Variants in KRCC1 observed in about 807,000 individuals in gnomAD.
KRCC1 encodes the protein lysine-rich coiled-coil protein 1.
KRCC1 carries 3 observed loss-of-function variants against 7.4 expected under a neutral mutation model. The observed-to-expected ratio is 0.40, with a 90% CI of 0.18 to 1.04. The LOEUF is 1.04. Among genes scored for constraint, KRCC1 ranks in the 50% least tolerant of loss-of-function variants. The probability of loss-of-function intolerance (pLI) is 0.33; values close to 1 mark genes in which losing one functional copy is unlikely to be tolerated. For missense variants in KRCC1, 277 were observed against 300.9 expected, an observed-to-expected ratio of 0.92 and a Z score of 0.59; for synonymous variants, 102 against 101.6, an observed-to-expected ratio of 1.00 and a Z score of -0.02.
intron 1 of KRCC1, among the ~76,000 whole-genome samples, chr2:88,042,658 C>A (rs990107506): frequency 6.6e-6 from 1 of 152,136 alleles, no homozygotes; most frequent in Non-Finnish European, 1.5e-5. Flanking sequence ...TGGCCTCAAG[C>A]GATCCTCCTC....
At chr2:88,053,357 T>C (rs1474609040) in intron 1 of KRCC1, among the ~76,000 whole-genome samples, 1 of 151,834 alleles carries the variant, frequency 6.6e-6, no homozygotes, top group Non-Finnish European at 1.5e-5. Flanking sequence ...TTAAAGTCTT[T>C]TGCACATATT....
At chr2:88,034,863 T>G (rs1673062403) in intron 2 of KRCC1, among the ~76,000 whole-genome samples, 1 of 152,148 alleles carries the variant, frequency 6.6e-6, no homozygotes, top group Non-Finnish European at 1.5e-5. Flanking sequence ...TCTACTTCCT[T>G]AAGTTTTTAG....
In KRCC1 at chr2:88,028,354, G is replaced by C. The variant is rs139094728; in HGVS notation, c.210C>G (p.Thr70=). The change falls in exon 4 of 4, where the codon ACC becomes ACG. Residue 70 remains threonine (T), a synonymous_variant. Transcript: ENST00000347055. ...GTGGAATATTGCATGATCTTGGGTAGGTCTGGATGGTTTCAGATGGGAGTC... is the reference window on the plus strand; with the variant it reads ...GTGGAATATTGCATGATCTTGGGTACGTCTGGATGGTTTCAGATGGGAGTC... ...DQRLPSETIQ[T]YPRSCNIPQT... is the part of the protein sequence containing the mutation. 27 of 1,614,122 alleles carry C rather than the reference G, an allele frequency of 1.7e-5. No individual in the cohort carries two copies. In the African/African-American group the frequency reaches 2.8e-4, roughly 17 times the overall value.
chr2:88,028,632 A>ATCTTTTTTTTTT, intron 3 of KRCC1, 47 bp from the exon 4 acceptor site: 1 of 861,106 alleles, frequency 1.2e-6, no homozygotes. Context: ...TGTCCTGAGC[A>ATCTTTTTTTTTT]TTTCCTTTGC....
chr2:88,052,948 A>G (rs1189450638), intron 1 of KRCC1, among the ~76,000 whole-genome samples: 2 of 152,172 alleles, frequency 1.3e-5, no homozygotes, highest in Non-Finnish European at 2.9e-5. Flanking sequence ...ATTATTTTCA[A>G]CATTTTAGTC....
rs1672899742 is a variant in KRCC1, at chr2:88,027,706, G to A, written c.*78C>T. 3 of 1,264,214 alleles carry A rather than the reference G, an allele frequency of 2.4e-6. No individual in the cohort carries two copies. The highest frequency in any genetic ancestry group is 1.1e-6 in the Non-Finnish European group (1 of 912,968). 78.3% of individuals were successfully genotyped at this position (1,264,214 alleles called of 1,614,324 possible). A position where few individuals can be genotyped will look rare whatever the true frequency, so the allele number is the denominator to read the frequency against. ...AGAACCTATTCACATAAGAAAAGTG[G>A]TATGAACACGGATATCATAAAACCA... On this transcript the variant is annotated 3_prime_UTR_variant, in exon 4 of 4. Transcript: ENST00000347055.
intron 1 of KRCC1, among the ~76,000 whole-genome samples, chr2:88,048,636 A>C (rs1673398796): frequency 6.6e-6 from 1 of 152,174 alleles, no homozygotes; most frequent in African/African-American, 2.4e-5. Context: ...TCTGCAAATA[A>C]AGACAGTATT....
At chr2:88,054,940 G>A (rs1573090664) in intron 1 of KRCC1, among the ~76,000 whole-genome samples, 3 of 152,286 alleles carry the variant, frequency 2.0e-5, no homozygotes, top group East Asian at 1.9e-4. Context: ...CTGCACTCCA[G>A]CCTGGGCACA....
rs764294013 is a variant in KRCC1 at position 88,027,941 on chromosome 2, T to C, written c.623A>G (p.His208Arg). Residue 208 changes from histidine to arginine, a missense_variant, in exon 4 of 4, where the codon CAT (histidine) becomes CGT (arginine). Transcript: ENST00000347055. The part of the protein sequence containing the change: ...KKTEVEIETV[H>R]VSTEKLKNRK... ...ATTCTTAAGCTTTTCTGTACTGACA[T>C]GTACGGTTTCTATTTCCACCTCTGT... 3.1e-6 allele frequency: 5 copies of C among 1,613,898 alleles called. No individual in the cohort carries two copies. Among genetic ancestry groups the C allele is most frequent in the East Asian group, 4.5e-5 (2 of 44,896 alleles).
intron 1 of KRCC1, among the ~76,000 whole-genome samples, chr2:88,048,456 A>G (rs570274247): frequency 9.2e-5 from 14 of 152,282 alleles, no homozygotes; most frequent in African/African-American, 2.6e-4. Context: ...GTTTTTTGAT[A>G]TAACAGTAAA....
rs549940494 is a variant in KRCC1, at chr2:88,055,323, GCTCCGGGTCTAGATTTC to G, written c.-291+286_-291+302del. On this transcript the variant is annotated intron_variant, in intron 1 of 3. Transcript: ENST00000347055. ...CTCACCCCACTTCCCTTTCCCTGACGCTCCGGGTCTAGATTTCCTCCGGGTCTAGATTTCCTCTTGGT... is the reference window on the plus strand; with the variant it reads ...CTCACCCCACTTCCCTTTCCCTGACGCTCCGGGTCTAGATTTCCTCTTGGT... 7.3e-4 allele frequency among the ~76,000 whole-genome samples: 111 copies of G among 151,904 alleles called. 1 individual carries two copies. The East Asian group carries it at 9.3e-3, about 13-fold the overall frequency.
intron 1 of KRCC1, among the ~76,000 whole-genome samples, chr2:88,045,807 C>T (rs1673317781): frequency 6.6e-6 from 1 of 151,910 alleles, no homozygotes; most frequent in African/African-American, 2.4e-5. Flanking sequence ...TCTAAGCCTC[C>T]CGAGTAGCTG....
chr2:88,046,894 G>C (rs892437567), intron 1 of KRCC1, among the ~76,000 whole-genome samples: 1 of 151,864 alleles, frequency 6.6e-6, no homozygotes, highest in African/African-American at 2.4e-5. Flanking sequence ...GGTTGGTCTC[G>C]AACCTCTGGG....
At chr2:88,039,723 T>C (rs1050994081) in intron 1 of KRCC1, among the ~76,000 whole-genome samples, 9 of 151,854 alleles carry the variant, frequency 5.9e-5, no homozygotes, top group Admixed American at 4.6e-4. Flanking sequence ...ATCTCAATTA[T>C]TTTTTAGTTG....
Position 88,028,642 on chromosome 2 carries a change from C to CTTT in KRCC1, c.-22-58_-22-57insAAA, listed in dbSNP as rs1419047999. On this transcript the variant is annotated intron_variant, in intron 3 of 3. Transcript: ENST00000347055. ...CATCTTGTCCTGAGCATTTCCTTTG[C>CTTT]TCTTTTTTTTTTTTTTTTTTTTCTT... is the stretch of plus-strand genomic sequence containing the variant. The CTTT allele has an allele frequency of 1.1e-4, 78 of 681,834 alleles. No homozygotes were observed. In the East Asian group the frequency reaches 1.5e-3, roughly 14 times the overall value. The allele number at this position is 681,834 out of a possible 1,614,324, so 42.2% of individuals were successfully genotyped here.
chr2:88,028,843 G>T (rs1672938010), intron 3 of KRCC1, among the ~76,000 whole-genome samples: 1 of 151,786 alleles, frequency 6.6e-6, no homozygotes, highest in Non-Finnish European at 1.5e-5. Context: ...TAGAGATGGG[G>T]TATCACCATG....
Position 88,039,174 on chromosome 2 carries a change from C to T in KRCC1, c.-290-2123G>A, listed in dbSNP as rs1431803288. On this transcript the variant is annotated intron_variant, in intron 1 of 3. Transcript: ENST00000347055. ...AAAATGAGTAGGGTCAAACATTTAA[C>T]ATATTGCTCTTTGTACATCTCTGTA... is the stretch of plus-strand genomic sequence containing the variant. 2.6e-5 allele frequency among the ~76,000 whole-genome samples: 4 copies of T among 152,168 alleles called. No individual in the cohort carries two copies. The East Asian group carries it at 5.8e-4, about 22-fold the overall frequency.
intron 1 of KRCC1, among the ~76,000 whole-genome samples, chr2:88,042,364 C>A (rs374543176): frequency 6.6e-6 from 1 of 152,004 alleles, no homozygotes; most frequent in African/African-American, 2.4e-5. Context: ...CCGGCCTAGA[C>A]CACTATTCCT....
chr2:88,041,932 T>A (rs922050584), intron 1 of KRCC1, among the ~76,000 whole-genome samples: 41 of 151,750 alleles, frequency 2.7e-4, no homozygotes, highest in African/African-American at 8.3e-4. Flanking sequence ...ATTGTTAAAA[T>A]CCTGGAGGTA....
Sources: allele counts gnomAD v4.1 joint callset (sites outside exome capture counted in the v4.1 genomes callset), GRCh38; gene constraint gnomAD v4.1.1; transcripts MANE v1.5; gene names NCBI Gene and HGNC (gene_info 2026-07-23, HGNC 2026-07-21).